The following LRP1B variants were observed in gnomAD, a reference collection of about 807,000 sequenced individuals.
LRP1B encodes LDL receptor related protein 1B, also known as low-density lipoprotein receptor-related protein 1B.
Under a neutral mutation model 556.6 loss-of-function variants are expected in LRP1B, and 217 were observed. The observed-to-expected ratio is 0.39, with a 90% CI of 0.35 to 0.44. The LOEUF (loss-of-function observed/expected upper bound fraction) is 0.44, where lower values mean the gene tolerates loss of function less well. Ranked by LOEUF, LRP1B falls within the 20% of genes least tolerant of loss-of-function variation. LRP1B has a pLI of 1.00. For synonymous variants in LRP1B, 2,047 were observed against 1,865.8 expected (o/e 1.10, Z -2.50); for missense variants, 5,053 against 5,620.8 (o/e 0.90, Z 3.23).
chr2:141,037,857 C>G (rs1057196706), intron 11 of LRP1B, among the ~76,000 whole-genome samples: 1 of 151,600 alleles, frequency 6.6e-6, no homozygotes, highest in Non-Finnish European at 1.5e-5. Flanking sequence ...CAAGCACAGA[C>G]ACACACAGAC....
intron 31 of LRP1B, among the ~76,000 whole-genome samples, chr2:140,816,119 T>G (rs577599161): frequency 6.9e-6 from 1 of 145,772 alleles, no homozygotes; most frequent in Non-Finnish European, 1.5e-5. Flanking sequence ...TCAACTGAAT[T>G]TTTTTTTTTC....
intron 43 of LRP1B, among the ~76,000 whole-genome samples, chr2:140,574,755 C>T (rs192101971): frequency 1.2e-3 from 181 of 152,302 alleles, no homozygotes; most frequent in African/African-American, 4.1e-3. Flanking sequence ...AAAACCTTCT[C>T]CCTTTAACTG....
chr2:140,356,216 A>G, intron 75 of LRP1B, 126 bp downstream of exon 75: 1 of 952,484 alleles, frequency 1.0e-6, no homozygotes, highest in Non-Finnish European at 1.6e-6. Context: ...CATAAGTGAA[A>G]TGGTATCCCG....
intron 27 of LRP1B, among the ~76,000 whole-genome samples, chr2:140,865,488 AATAAAATAGTCGATATGT>A (rs1692920810): frequency 6.6e-6 from 1 of 151,988 alleles, no homozygotes; most frequent in South Asian, 2.1e-4. Flanking sequence ...TATCCTCGGT[AATAAAATAGTCGATATGT>A]TCCTGCATCT....
intron 7 of LRP1B, among the ~76,000 whole-genome samples, chr2:141,135,379 A>G (rs1228954690): frequency 6.6e-6 from 1 of 151,980 alleles, no homozygotes; most frequent in Non-Finnish European, 1.5e-5. Context: ...TGAGTGCTGC[A>G]GGTGGCATTT....
chr2:141,552,509 T>C (rs1685790527), intron 2 of LRP1B, among the ~76,000 whole-genome samples: 1 of 152,042 alleles, frequency 6.6e-6, no homozygotes, highest in Non-Finnish European at 1.5e-5. Flanking sequence ...AAAGGTTATC[T>C]ATTTGGACTA....
At chr2:140,465,653 A>G (rs546526690) in intron 60 of LRP1B, among the ~76,000 whole-genome samples, 1 of 152,132 alleles carries the variant, frequency 6.6e-6, no homozygotes, top group South Asian at 2.1e-4. Context: ...AAATGACTGA[A>G]AACTCAAATG....
At chr2:140,676,848 ATATT>A in intron 41 of LRP1B, among the ~76,000 whole-genome samples, 1 of 152,360 alleles carries the variant, frequency 6.6e-6, no homozygotes, top group East Asian at 1.9e-4. Context: ...TTATGTACAA[ATATT>A]TATTGTGTAC....
At chr2:141,615,468 A>G (rs1688262385) in intron 2 of LRP1B, among the ~76,000 whole-genome samples, 1 of 152,196 alleles carries the variant, frequency 6.6e-6, no homozygotes, top group African/African-American at 2.4e-5. Flanking sequence ...GAGTTAAGAA[A>G]TGAAGGAAAC....
intron 83 of LRP1B, among the ~76,000 whole-genome samples, chr2:140,298,737 A>G (rs532920705): frequency 6.6e-6 from 1 of 152,260 alleles, no homozygotes; most frequent in South Asian, 2.1e-4. Flanking sequence ...ACAATCCTGT[A>G]TGGTGTTTTG....
intron 1 of LRP1B, among the ~76,000 whole-genome samples, chr2:141,936,567 A>C (rs991788090): frequency 6.6e-6 from 1 of 152,174 alleles, no homozygotes; most frequent in Non-Finnish European, 1.5e-5. Context: ...TGAGAAAATA[A>C]ATTCCTGGTT....
chr2:140,401,925 C>A (rs1330724252), intron 66 of LRP1B, among the ~76,000 whole-genome samples: 2 of 152,194 alleles, frequency 1.3e-5, no homozygotes, highest in Non-Finnish European at 2.9e-5. Flanking sequence ...TTGAGAAAGA[C>A]AGCACACTAT....
At chr2:141,554,104 T>C (rs911847651) in intron 2 of LRP1B, among the ~76,000 whole-genome samples, 4 of 143,532 alleles carry the variant, frequency 2.8e-5, no homozygotes, top group African/African-American at 1.0e-4. Flanking sequence ...TATATATCTA[T>C]ATTAATAGAC....
At chr2:141,065,345 C>A (rs1699451113) in intron 7 of LRP1B, among the ~76,000 whole-genome samples, 1 of 151,880 alleles carries the variant, frequency 6.6e-6, no homozygotes, top group Non-Finnish European at 1.5e-5. Context: ...ATAATCAATT[C>A]CTTTAACAAT....
At chr2:141,287,966 A>G (rs1179431107) in intron 3 of LRP1B, among the ~76,000 whole-genome samples, 1 of 152,190 alleles carries the variant, frequency 6.6e-6, no homozygotes, top group Non-Finnish European at 1.5e-5. Flanking sequence ...ATGTATATAT[A>G]AAACTGTGTT....
At chr2:140,935,057 C>T (rs1573897007) in intron 20 of LRP1B, among the ~76,000 whole-genome samples, 1 of 152,178 alleles carries the variant, frequency 6.6e-6, no homozygotes, top group East Asian at 1.9e-4. Flanking sequence ...ATCTGATTTC[C>T]AGAGTTATCA....
chr2:140,861,600 AT>A (rs1274824951), intron 27 of LRP1B, among the ~76,000 whole-genome samples: 3 of 151,946 alleles, frequency 2.0e-5, no homozygotes, highest in East Asian at 3.9e-4. Context: ...CTATGAAGGT[AT>A]TTTTTTTGGA....
chr2:140,712,078 C>A (rs1179688535), intron 37 of LRP1B, among the ~76,000 whole-genome samples: 1 of 152,100 alleles, frequency 6.6e-6, no homozygotes, highest in African/African-American at 2.4e-5. Flanking sequence ...TTGTCCCTAA[C>A]AGCTCACACA....
chr2:140,718,824 A>G (rs1687298673), intron 35 of LRP1B, among the ~76,000 whole-genome samples: 1 of 151,902 alleles, frequency 6.6e-6, no homozygotes, highest in Non-Finnish European at 1.5e-5. Flanking sequence ...TTCCTAAAAT[A>G]AAATATTCTT....
Sources: gnomAD v4.1 joint callset for allele counts (sites outside exome capture counted in the v4.1 genomes callset) on GRCh38, gnomAD v4.1.1 for gene constraint, MANE v1.5 for transcripts, NCBI Gene and HGNC (gene_info 2026-07-23, HGNC 2026-07-21) for gene names.